BEND7: variants seen among roughly 807,000 people sequenced by gnomAD.
The protein encoded by BEND7 is BEN domain containing 7, also known as BEN domain-containing protein 7.
In BEND7, 28 loss-of-function variants were observed where a neutral mutation model predicts 50.9. That is an observed-to-expected ratio of 0.55 (90% CI 0.41 to 0.75). The LOEUF (loss-of-function observed/expected upper bound fraction) is 0.75. BEND7 is among the 30% of genes least tolerant of loss of function. BEND7 has a pLI of 0.00. For synonymous variants in BEND7, 170 were observed against 183.9 expected (o/e 0.92, Z 0.61); for missense variants, 477 against 491.3 (o/e 0.97, Z 0.28).
Position 13,504,078 on chromosome 10 carries a change from G to C in BEND7, c.146-3998C>G, listed in dbSNP as rs2077686186. ...TTCCTTGCACATTTGGGGCAGGTGG[G>C]GCAGAGGATCAGAAACGAGGCCTGA... On this transcript the variant is annotated intron_variant, in intron 2 of 8. Transcript: ENST00000466271. Among the ~76,000 whole-genome samples, 5 of 152,258 alleles carry C rather than the reference G, an allele frequency of 3.3e-5. No homozygotes were observed. In the South Asian group the frequency reaches 1.0e-3, roughly 32 times the overall value.
chr10:13,460,257 C>T (rs1179249461), intron 6 of BEND7, among the ~76,000 whole-genome samples: 1 of 152,142 alleles, frequency 6.6e-6, no homozygotes, highest in Non-Finnish European at 1.5e-5. Context: ...GACACAGAGA[C>T]AAGGCTCATG....
intron 8 of BEND7, chr10:13,444,077 A>G (rs1047241037): frequency 6.6e-6 from 1 of 150,910 alleles, no homozygotes; most frequent in African/African-American, 2.5e-5. Flanking sequence ...TTTTTTTTTT[A>G]ATGCAAATTG....
intron 6 of BEND7, among the ~76,000 whole-genome samples, chr10:13,462,418 T>C (rs1840399626): frequency 1.3e-5 from 2 of 152,200 alleles, no homozygotes; most frequent in Admixed American, 1.3e-4. Flanking sequence ...ACAAGAACAG[T>C]ATGGGGGAAC....
At chr10:13,443,053 C>T (rs972657194) in intron 8 of BEND7, 1 of 152,118 alleles carries the variant, frequency 6.6e-6, no homozygotes, top group Admixed American at 6.5e-5. Flanking sequence ...TGAATGAAAA[C>T]AGGGAAGAGA....
chr10:13,447,451 C>T (rs1381190581), intron 7 of BEND7, 135 bp from the exon 8 acceptor site: 13 of 775,226 alleles, frequency 1.7e-5, no homozygotes, highest in Middle Eastern at 2.4e-4. Flanking sequence ...TTTCAGCTAC[C>T]GTTGGTTCAT....
downstream of BEND7, among the ~76,000 whole-genome samples, chr10:13,440,658 C>T (rs1440122460): frequency 1.3e-5 from 2 of 152,224 alleles, no homozygotes; most frequent in African/African-American, 4.8e-5. Flanking sequence ...GTGGCGCCCT[C>T]CTGTGTTCAA....
At chr10:13,454,230 T>C (rs1001443961) in intron 6 of BEND7, among the ~76,000 whole-genome samples, 2 of 152,162 alleles carry the variant, frequency 1.3e-5, no homozygotes, top group African/African-American at 4.8e-5. Flanking sequence ...TTAGGGGTGT[T>C]TGTGGAGCAC....
At chr10:13,483,032 T>C (rs2075979115) in intron 5 of BEND7, among the ~76,000 whole-genome samples, 1 of 152,168 alleles carries the variant, frequency 6.6e-6, no homozygotes, top group Non-Finnish European at 1.5e-5. Flanking sequence ...TTTTGCTAAG[T>C]GCTCCTGTAT....
At chr10:13,523,594 G>T (rs997466375) in intron 2 of BEND7, among the ~76,000 whole-genome samples, 2 of 152,116 alleles carry the variant, frequency 1.3e-5, no homozygotes, top group Admixed American at 6.5e-5. Flanking sequence ...TAGTATTTTG[G>T]TACCAAACCC....
chr10:13,523,044 C>T (rs2079184430), intron 2 of BEND7, among the ~76,000 whole-genome samples: 1 of 152,238 alleles, frequency 6.6e-6, no homozygotes, highest in Non-Finnish European at 1.5e-5. Context: ...GTCTCCTCCC[C>T]AGCTGGATCT....
At position 13,509,585 on chromosome 10, in the gene BEND7, C is replaced by G. The variant is rs79341149; in HGVS notation, c.146-9505G>C. Among the ~76,000 whole-genome samples the G allele has an allele frequency of 4.2e-3, 643 of 152,268 alleles. 2 individuals are homozygous for G. Among genetic ancestry groups the G allele is most frequent in the South Asian group, 0.028 (135 of 4,820 alleles). ...CATGTGACAAGTGTTTCAGGAATTA[C>G]AGAGAGAAAAAGAGATCACTTTACC... On this transcript the variant is annotated intron_variant, in intron 2 of 8. Coordinates refer to ENST00000466271, the MANE Select transcript of BEND7 (RefSeq NM_001369863.1).
chr10:13,497,172 C>A (rs1281469748), intron 3 of BEND7, among the ~76,000 whole-genome samples: 1 of 152,214 alleles, frequency 6.6e-6, no homozygotes, highest in African/African-American at 2.4e-5. Flanking sequence ...GCACAGCAGG[C>A]CTCCCTATTG....
At chr10:13,500,908 G>A (rs541458722) in intron 2 of BEND7, 59 of 890,918 alleles carry the variant, frequency 6.6e-5, no homozygotes, top group Admixed American at 3.1e-4. Context: ...CCCCTGCAGC[G>A]TAACTGTGTG....
chr10:13,460,667 C>T (rs1035626672), intron 6 of BEND7, among the ~76,000 whole-genome samples: 7 of 152,306 alleles, frequency 4.6e-5, no homozygotes, highest in South Asian at 2.1e-4. Context: ...AGGCACATCA[C>T]GGGACACACA....
chr10:13,499,720 G>T, intron 3 of BEND7, 58 bp downstream of exon 3: 1 of 880,322 alleles, frequency 1.1e-6, no homozygotes, highest in Non-Finnish European at 1.6e-6. Context: ...TGAATATTTA[G>T]AAATAGAACA....
At chr10:13,468,397 G>T (rs1484677766) in intron 6 of BEND7, among the ~76,000 whole-genome samples, 2 of 152,170 alleles carry the variant, frequency 1.3e-5, no homozygotes, top group Non-Finnish European at 2.9e-5. Context: ...CACAATGAAC[G>T]AGTGGTGCTT....
At chr10:13,444,717 G>A (rs1327653564) in intron 8 of BEND7, 3 of 152,230 alleles carry the variant, frequency 2.0e-5, no homozygotes, top group Non-Finnish European at 4.4e-5. Context: ...CCAGAATGGG[G>A]ATTTTACTTT....
chr10:13,528,084 G>T (rs928637742), intron 1 of BEND7, among the ~76,000 whole-genome samples: 3 of 152,092 alleles, frequency 2.0e-5, no homozygotes, highest in Non-Finnish European at 4.4e-5. Flanking sequence ...CTTGGCGGGG[G>T]GAAGGGGGAA....
chr10:13,526,086 T>A, intron 2 of BEND7, 52 bp downstream of exon 2: 1 of 999,018 alleles, frequency 1.0e-6, no homozygotes, highest in East Asian at 6.3e-5. Context: ...TTCCCCCTAA[T>A]TGCAAATGGT....
Sources: allele counts gnomAD v4.1 joint callset (sites outside exome capture counted in the v4.1 genomes callset), GRCh38; gene constraint gnomAD v4.1.1; transcripts MANE v1.5; gene names NCBI Gene and HGNC (gene_info 2026-07-23, HGNC 2026-07-21).